The following PARG variants were observed in gnomAD, a reference collection of about 807,000 sequenced individuals.
The protein encoded by PARG is poly(ADP-ribose) glycohydrolase.
PARG carries 35 observed loss-of-function variants against 113.0 expected under a neutral mutation model. The observed-to-expected ratio is 0.31, with a 90% CI of 0.24 to 0.41. PARG has a LOEUF of 0.41. Ranked by LOEUF, PARG falls within the 10% of genes least tolerant of loss-of-function variation. The pLI, the probability that PARG is intolerant of heterozygous loss-of-function variation, is 1.00. For missense variants in PARG, 797 were observed against 1,169.4 expected (o/e 0.68, Z 4.64); for synonymous variants, 330 against 409.9 (o/e 0.81, Z 2.36).
At chr10:49,862,830 AT>A (rs1395982060) in intron 11 of PARG, among the ~76,000 whole-genome samples, 1 of 151,872 alleles carries the variant, frequency 6.6e-6, no homozygotes, top group Non-Finnish European at 1.5e-5. Flanking sequence ...AGTTTGATAT[AT>A]TTTTTTAACT....
At chr10:49,915,370 T>C (rs1837413598) in intron 7 of PARG, among the ~76,000 whole-genome samples, 1 of 152,128 alleles carries the variant, frequency 6.6e-6, no homozygotes. Context: ...TCTCTGCTAA[T>C]GGTACTATGA....
intron 6 of PARG, among the ~76,000 whole-genome samples, chr10:49,919,506 T>C (rs1837681310): frequency 6.6e-6 from 1 of 152,182 alleles, no homozygotes; most frequent in African/African-American, 2.4e-5. Context: ...TACACCACAG[T>C]ACAGGTATGT....
At chr10:49,908,627 T>C (rs1836992138) in intron 7 of PARG, 1 of 152,188 alleles carries the variant, frequency 6.6e-6, no homozygotes, top group Non-Finnish European at 1.5e-5. Context: ...AGGCTCTTTG[T>C]GACAAATATA....
At chr10:49,941,056 CAA>C (rs1839023937) in intron 1 of PARG, among the ~76,000 whole-genome samples, 1 of 152,142 alleles carries the variant, frequency 6.6e-6, no homozygotes, top group African/African-American at 2.4e-5. Flanking sequence ...AGGCAGAGGC[CAA>C]GTTTCTCTCG....
At chr10:49,912,315 T>C (rs1242471186) in intron 7 of PARG, among the ~76,000 whole-genome samples, 50 of 151,974 alleles carry the variant, frequency 3.3e-4, no homozygotes, top group Non-Finnish European at 6.9e-4. Context: ...AACAAAAAAT[T>C]AGAAAATAAA....
Position 49,933,811 on chromosome 10 carries a change from T to C in PARG, c.637A>G (p.Thr213Ala). The change falls in exon 3 of 18, where the codon ACT becomes GCT. Residue 213 changes from threonine to alanine, a missense_variant. By Grantham distance (58) the Thr-to-Ala change is moderately conservative. Around this residue, in one of 5 missense-constraint regions of PARG, gnomAD observed 284 missense variants for 306.1 expected, o/e 0.93. Coordinates refer to ENST00000616448, the MANE Select transcript of PARG (RefSeq NM_003631.5). ...ENRDNQQFLT[T>A]VKLANAKQTT... Reference sequence around the variant, plus strand: ...TGCTTTGCATTTGCAAGCTTTACAGTTGTGAGAAACTGTTGATTGTCTCTA... The same window carrying C: ...TGCTTTGCATTTGCAAGCTTTACAGCTGTGAGAAACTGTTGATTGTCTCTA... 2 of 1,613,358 alleles carry C rather than the reference T, an allele frequency of 1.2e-6. No individual in the cohort carries two copies. The highest frequency in any genetic ancestry group is 1.3e-5 in the African/African-American group (1 of 75,052).
At chr10:49,896,582 G>C (rs549816549) in intron 7 of PARG, among the ~76,000 whole-genome samples, 1 of 152,196 alleles carries the variant, frequency 6.6e-6, no homozygotes, top group East Asian at 1.9e-4. Flanking sequence ...ATCACTCCCG[G>C]CCTGCTAACA....
rs1398623460 is a variant in PARG at position 49,869,543 on chromosome 10, T to A, written c.2001A>T (p.Gly667=). Residue 667 remains glycine (G), a synonymous_variant, in exon 10 of 18, where the codon GGA becomes GGT. Transcript: ENST00000616448. Reference sequence around the variant, plus strand: ...GTTTCTCCGGTTTCCTTGATGAACGTCCCTCAAACAATCTAAGAGATAAAA... The same window carrying A: ...GTTTCTCCGGTTTCCTTGATGAACGACCCTCAAACAATCTAAGAGATAAAA... ...PDINFNRLFE[G]RSSRKPEKLK... is the part of the protein sequence containing the mutation. 32 of 1,374,508 alleles carry A rather than the reference T, an allele frequency of 2.3e-5. No individual in the cohort carries two copies. The highest frequency in any genetic ancestry group is 2.9e-5 in the Non-Finnish European group (28 of 981,674). 85.1% of individuals were successfully genotyped at this position (1,374,508 alleles called of 1,614,324 possible). A position where few individuals can be genotyped will look rare whatever the true frequency, so the allele number is the denominator to read the frequency against.
intron 7 of PARG, among the ~76,000 whole-genome samples, chr10:49,902,578 G>A (rs1848393185): frequency 1.3e-5 from 2 of 152,018 alleles, no homozygotes; most frequent in South Asian, 4.2e-4. Context: ...AACACATATT[G>A]AACACCCACT....
At chr10:49,896,141 G>A (rs1217516107) in intron 7 of PARG, among the ~76,000 whole-genome samples, 1 of 152,186 alleles carries the variant, frequency 6.6e-6, no homozygotes, top group Non-Finnish European at 1.5e-5. Flanking sequence ...TAAGAATGAA[G>A]AGCATGGGTG....
intron 4 of PARG, among the ~76,000 whole-genome samples, chr10:49,928,600 G>T (rs1290484135): frequency 6.6e-6 from 1 of 152,288 alleles, no homozygotes; most frequent in African/African-American, 2.4e-5. Context: ...AAACTGCAGG[G>T]CTCAAGTAAT....
At chr10:49,921,291 G>A (rs1554849236) in intron 6 of PARG, among the ~76,000 whole-genome samples, 2 of 152,260 alleles carry the variant, frequency 1.3e-5, no homozygotes, top group South Asian at 2.1e-4. Context: ...TTCTTACCCC[G>A]TAATCCTACC....
intron 4 of PARG, among the ~76,000 whole-genome samples, chr10:49,929,249 C>T (rs536136557): frequency 7.0e-4 from 106 of 150,868 alleles, no homozygotes; most frequent in Middle Eastern, 3.4e-3. Flanking sequence ...ACCCTCTGTC[C>T]ATCTTTTCTC....
rs1843941495 is a variant in PARG at position 49,819,194 on chromosome 10, ATGTGT to A, written c.*141_*145del. On this transcript the variant is annotated 3_prime_UTR_variant, in exon 18 of 18. Transcript: ENST00000616448. The stretch of plus-strand genomic sequence containing the variant: ...TAGATGTACCAACTGACAACTGCAC[ATGTGT>A]GGAAGAGATTGCGTCCTTGACTACA... 1.6e-6 allele frequency: 1 copy of A among 609,446 alleles called. No individual in the cohort carries two copies. The highest frequency in any genetic ancestry group is 1.9e-5 in the African/African-American group (1 of 53,308). The allele number at this position is 609,446 out of a possible 1,614,324, so 37.8% of individuals were successfully genotyped here. A position where few individuals can be genotyped will look rare whatever the true frequency, so the allele number is the denominator to read the frequency against.
At chr10:49,931,664 T>G (rs1218023374) in intron 4 of PARG, among the ~76,000 whole-genome samples, 2 of 149,552 alleles carry the variant, frequency 1.3e-5, no homozygotes, top group African/African-American at 5.0e-5. Context: ...GGAGACTGAT[T>G]TGAGTAATAA....
At chr10:49,855,060 G>C (rs2813113) in intron 13 of PARG, among the ~76,000 whole-genome samples, 199 of 150,794 alleles carry the variant, frequency 1.3e-3, no homozygotes, top group South Asian at 4.6e-3. Flanking sequence ...GAATTTACAT[G>C]AGCTATTTAA....
chr10:49,834,753 C>G (rs1209266882), intron 15 of PARG, among the ~76,000 whole-genome samples: 1 of 151,904 alleles, frequency 6.6e-6, no homozygotes, highest in Non-Finnish European at 1.5e-5. Flanking sequence ...GGTGGGAGGA[C>G]TGCTTGAGCC....
intron 7 of PARG, among the ~76,000 whole-genome samples, chr10:49,906,594 C>T (rs1448463338): frequency 7.9e-5 from 12 of 152,080 alleles, no homozygotes; most frequent in Admixed American, 7.9e-4. Context: ...ACTCCCTAAA[C>T]CTTGGTTTTC....
At chr10:49,902,068 C>T (rs1405286097) in intron 7 of PARG, among the ~76,000 whole-genome samples, 1 of 152,130 alleles carries the variant, frequency 6.6e-6, no homozygotes, top group Non-Finnish European at 1.5e-5. Context: ...TGGATAGTAG[C>T]CAGTGTTTGG....
Sources: gnomAD v4.1 joint callset for allele counts (sites outside exome capture counted in the v4.1 genomes callset) on GRCh38, gnomAD v4.1.1 for gene constraint, gnomAD v4.1.1 regional missense constraint, MANE v1.5 for transcripts, NCBI Gene and HGNC (gene_info 2026-07-23, HGNC 2026-07-21) for gene names.